The following PHF7 variants were observed in gnomAD, a reference collection of about 807,000 sequenced individuals.
PHF7 encodes the protein E3 ubiquitin-protein ligase PHF7.
In PHF7, 24 loss-of-function variants were observed where a neutral mutation model predicts 47.5. The ratio of observed to expected loss-of-function variants is 0.51; its 90% CI spans 0.37 to 0.71. The LOEUF (loss-of-function observed/expected upper bound fraction) is 0.71, where lower values mean the gene tolerates loss of function less well. PHF7 is among the 30% of genes least tolerant of loss of function. The probability of loss-of-function intolerance (pLI) is 0.00; values close to 1 mark genes in which losing one functional copy is unlikely to be tolerated. For synonymous variants in PHF7, 156 were observed against 153.8 expected, an observed-to-expected ratio of 1.01 and a Z score of -0.11; for missense variants, 361 against 456.8, an observed-to-expected ratio of 0.79 and a Z score of 1.91.
chr3:52,421,509 C>T (rs910421997), intron 7 of PHF7, 139 bp from the exon 8 acceptor site: 2 of 654,910 alleles, frequency 3.1e-6, no homozygotes, highest in African/African-American at 3.7e-5. Context: ...CAGCCCTCAC[C>T]CTAGCCCACC....
intron 2 of PHF7, among the ~76,000 whole-genome samples, chr3:52,413,489 A>G (rs780080118): frequency 2.0e-5 from 3 of 152,194 alleles, no homozygotes; most frequent in Non-Finnish European, 4.4e-5. Context: ...GATGCTTACA[A>G]TCCGGTTCCT....
At chr3:52,420,191 C>A in intron 5 of PHF7, 120 bp from the exon 6 acceptor site, 1 of 1,125,972 alleles carries the variant, frequency 8.9e-7, no homozygotes, top group Non-Finnish European at 1.4e-6. Flanking sequence ...GCATTCAGGA[C>A]CACTGAAGAT....
intron 4 of PHF7, among the ~76,000 whole-genome samples, chr3:52,415,100 C>T (rs1578239672): frequency 6.6e-6 from 1 of 152,224 alleles, no homozygotes; most frequent in Admixed American, 6.5e-5. Context: ...TTCTCCCTCT[C>T]CCCAGAAACA....
At chr3:52,419,693 A>G in intron 4 of PHF7, 140 bp from the exon 5 acceptor site, 1 of 686,254 alleles carries the variant, frequency 1.5e-6, no homozygotes, top group Non-Finnish European at 2.7e-6. Context: ...GGCCTCCCAA[A>G]GTGCCGGGAT....
chr3:52,411,610 C>T (rs1271647142), intron 1 of PHF7, among the ~76,000 whole-genome samples: 1 of 152,222 alleles, frequency 6.6e-6, no homozygotes, highest in Non-Finnish European at 1.5e-5. Flanking sequence ...CTGGAGTGAC[C>T]TGATTCACCC....
chr3:52,423,076 C>T lies in PHF7; in HGVS notation c.920-15C>T. 1 of 1,577,382 alleles carries T rather than the reference C, an allele frequency of 6.3e-7. No homozygotes were observed. The highest frequency in any genetic ancestry group is 8.7e-7 in the Non-Finnish European group (1 of 1,146,978). ...CAGAGGCTTGAGTTTTCCTCTCCTG[C>T]CTTTCTCTCACCAGACTACATACCT... is the stretch of plus-strand genomic sequence containing the variant. On this transcript the variant is annotated splice_polypyrimidine_tract_variant and intron_variant, in intron 10 of 10. Transcript: ENST00000327906.
At chr3:52,412,425 C>T (rs1419740109) in intron 1 of PHF7, among the ~76,000 whole-genome samples, 2 of 152,100 alleles carry the variant, frequency 1.3e-5, no homozygotes, top group Admixed American at 6.5e-5. Flanking sequence ...TTTTTGTAGG[C>T]ACAAAGAAAC....
intron 4 of PHF7, among the ~76,000 whole-genome samples, chr3:52,418,427 T>C (rs1028002562): frequency 5.9e-5 from 9 of 152,180 alleles, no homozygotes; most frequent in African/African-American, 1.9e-4. Flanking sequence ...ATTAAATCAA[T>C]ACATGCTTAT....
intron 5 of PHF7, 99 bp downstream of exon 5, chr3:52,420,033 G>C: frequency 5.0e-6 from 4 of 796,382 alleles, no homozygotes; most frequent in Non-Finnish European, 8.2e-6. Context: ...TAGTTTAGAT[G>C]TCAAAGGACT....
At chr3:52,419,764 T>TTCTCC in intron 4 of PHF7, 69 bp from the exon 5 acceptor site, 1 of 891,078 alleles carries the variant, frequency 1.1e-6, no homozygotes, top group Non-Finnish European at 1.8e-6. Flanking sequence ...TACCCTGTCC[T>TTCTCC]TCTCCTCACC....
At chr3:52,412,732 C>T in intron 1 of PHF7, 79 bp from the exon 2 acceptor site, 1 of 661,220 alleles carries the variant, frequency 1.5e-6, no homozygotes. Flanking sequence ...AGGTGAAGTG[C>T]ACCATTGCCT....
Position 52,421,016 on chromosome 3 carries a change from A to G in PHF7, c.527A>G (p.Gln176Arg). The change falls in exon 7 of 11, where the codon CAG becomes CGG. Residue 176 changes from glutamine (Q) to arginine (R), a missense_variant. Gln to Arg is a conservative substitution (Grantham distance 43). Transcript: ENST00000327906. ...DLSQQSVENI[Q>R]SPCCSQAIYH... ...TCCCAACAGAGTGTTGAGAACATCCAGAGCCCGTGTTGTAGTCAAGCCATC... is the reference window on the plus strand; with the variant it reads ...TCCCAACAGAGTGTTGAGAACATCCGGAGCCCGTGTTGTAGTCAAGCCATC... 2.5e-6 allele frequency: 4 copies of G among 1,613,606 alleles called. No homozygotes were observed. Among genetic ancestry groups the G allele is most frequent in the Non-Finnish European group, 3.4e-6 (4 of 1,179,782 alleles).
chr3:52,419,317 A>C (rs2153229117), intron 4 of PHF7, among the ~76,000 whole-genome samples: 1 of 152,332 alleles, frequency 6.6e-6, no homozygotes, highest in South Asian at 2.1e-4. Context: ...GGGAGGACTC[A>C]ATGAGTTAAT....
At chr3:52,416,448 T>G (rs932246127) in intron 4 of PHF7, among the ~76,000 whole-genome samples, 5 of 150,532 alleles carry the variant, frequency 3.3e-5, no homozygotes, top group South Asian at 4.2e-4. Context: ...CCTCCCAAAG[T>G]GCTGGGATTA....
At chr3:52,421,117 G>A in intron 7 of PHF7, 55 bp downstream of exon 7, 1 of 1,450,948 alleles carries the variant, frequency 6.9e-7, no homozygotes, top group Non-Finnish European at 9.4e-7. Context: ...TCTCTGCCTG[G>A]AACCAGAGAA....
chr3:52,417,506 T>A (rs1705660991), intron 4 of PHF7, among the ~76,000 whole-genome samples: 1 of 152,232 alleles, frequency 6.6e-6, no homozygotes, highest in African/African-American at 2.4e-5. Flanking sequence ...CTTGTACATC[T>A]TTTGTTAAAT....
chr3:52,414,349 A>G, intron 3 of PHF7, 147 bp from the exon 4 acceptor site: 1 of 657,368 alleles, frequency 1.5e-6, no homozygotes, highest in Non-Finnish European at 2.7e-6. Context: ...ACCACATAAG[A>G]CCTCATCCCA....
chr3:52,420,906 A>G lies in PHF7; in HGVS notation c.417A>G (p.Ser139=), dbSNP rs1469035387. The G allele has an allele frequency of 1.4e-5, 22 of 1,607,964 alleles. No homozygotes were observed. Among genetic ancestry groups the G allele is most frequent in the Non-Finnish European group, 1.8e-5 (21 of 1,177,484 alleles). ...CAAGTCTGTTTACCTGCCACAGATCATTTTGTGACAAACATCGCCCAACAC... is the reference window on the plus strand; with the variant it reads ...CAAGTCTGTTTACCTGCCACAGATCGTTTTGTGACAAACATCGCCCAACAC... ...CLSQFFGEYK[S]FCDKHRPTQN... is the part of the protein sequence containing the mutation. Residue 139 remains serine, a synonymous_variant, in exon 7 of 11, where the codon TCA becomes TCG. Coordinates refer to ENST00000327906, the MANE Select transcript of PHF7 (RefSeq NM_016483.7).
rs199585397 is a variant in PHF7 at position 52,414,530 on chromosome 3, C to T, written c.129C>T (p.Pro43=). 10 of 1,612,678 alleles carry T rather than the reference C, an allele frequency of 6.2e-6. No homozygotes were observed. The highest frequency in any genetic ancestry group is 2.7e-5 in the African/African-American group (2 of 74,914). The change falls in exon 4 of 11, where the codon CCC becomes CCT. Residue 43 remains proline (P), a synonymous_variant. Transcript: ENST00000327906. ...TATGCCTTCGAGAACCTGGGGATCC[C>T]GAAAAATTAGGGGAATTTCTTCAGA... is the stretch of plus-strand genomic sequence containing the variant. ...CWLCLREPGD[P]EKLGEFLQKD... is the part of the protein sequence containing the mutation.
Sources: allele counts gnomAD v4.1 joint callset (sites outside exome capture counted in the v4.1 genomes callset), GRCh38; gene constraint gnomAD v4.1.1; transcripts MANE v1.5; gene names NCBI Gene and HGNC (gene_info 2026-07-23, HGNC 2026-07-21).